The following RIGI variants were observed in gnomAD, a reference collection of about 807,000 sequenced individuals.
The protein encoded by RIGI is antiviral innate immune response receptor RIG-I.
At chr9:32,469,354 T>C in the RIGI span, among the ~76,000 whole-genome samples, 39 of 152,328 alleles carry the variant, frequency 2.6e-4, 1 homozygote, top group Admixed American at 4.6e-4. Context: ...AAATAAGCAT[T>C]TGAACTATGT....
chr9:32,497,708 CT>C, the RIGI span, among the ~76,000 whole-genome samples: 2 of 152,212 alleles, frequency 1.3e-5, no homozygotes, highest in African/African-American at 4.8e-5. Context: ...GATTGCGCCA[CT>C]GCACTCCATC....
At chr9:32,514,231 T>C in the RIGI span, among the ~76,000 whole-genome samples, 5 of 152,184 alleles carry the variant, frequency 3.3e-5, no homozygotes, top group Non-Finnish European at 7.3e-5. Context: ...ACTGGGTATA[T>C]ACCAAACTAT....
the RIGI span, chr9:32,485,203 ACT>A: frequency 6.2e-7 from 1 of 1,606,768 alleles, no homozygotes; most frequent in South Asian, 1.1e-5. Context: ...TCTTTGCCAG[ACT>A]CTCTGTGTCC....
chr9:32,498,453 C>T, the RIGI span: 2 of 429,908 alleles, frequency 4.7e-6, no homozygotes, highest in Non-Finnish European at 9.7e-6. Context: ...GGCTACACTT[C>T]CCAGCCTGTC....
chr9:32,476,844 A>T, the RIGI span: 4 of 724,178 alleles, frequency 5.5e-6, no homozygotes, highest in Non-Finnish European at 4.4e-6. Context: ...CAGGTCTTGA[A>T]CTCTTGGCCC....
At chr9:32,475,034 C>T in the RIGI span, among the ~76,000 whole-genome samples, 1 of 152,192 alleles carries the variant, frequency 6.6e-6, no homozygotes, top group Non-Finnish European at 1.5e-5. Flanking sequence ...TCACCGCAGC[C>T]TTCACCTCCC....
At chr9:32,484,378 C>A in the RIGI span, among the ~76,000 whole-genome samples, 3 of 152,116 alleles carry the variant, frequency 2.0e-5, no homozygotes, top group African/African-American at 4.8e-5. Context: ...AGAGGAGACA[C>A]TCCATGAGGT....
chr9:32,488,928 T>C, the RIGI span: 3 of 1,526,456 alleles, frequency 2.0e-6, no homozygotes, highest in East Asian at 4.6e-5. Flanking sequence ...GTAACTCATA[T>C]ATTAGATATT....
chr9:32,455,562 C>T, the RIGI span: 1 of 152,042 alleles, frequency 6.6e-6, no homozygotes, highest in Non-Finnish European at 1.5e-5. Context: ...CCTCCCTTGA[C>T]ACATGGGGAT....
chr9:32,469,638 G>C, the RIGI span, among the ~76,000 whole-genome samples: 5 of 152,148 alleles, frequency 3.3e-5, no homozygotes, highest in Non-Finnish European at 7.3e-5. Context: ...TGTTAATCGG[G>C]GAAAAGAAAG....
chr9:32,499,479 A>G, the RIGI span, among the ~76,000 whole-genome samples: 1 of 151,890 alleles, frequency 6.6e-6, no homozygotes, highest in Non-Finnish European at 1.5e-5. Context: ...AAATTTGAGA[A>G]GGAGTTTCAC....
the RIGI span, among the ~76,000 whole-genome samples, chr9:32,470,222 T>C: frequency 1.3e-5 from 2 of 152,358 alleles, no homozygotes; most frequent in East Asian, 3.9e-4. Flanking sequence ...ATAAAAGTTC[T>C]GGATGTGAAT....
At chr9:32,492,619 C>A in the RIGI span, 2 of 1,505,272 alleles carry the variant, frequency 1.3e-6, no homozygotes, top group South Asian at 2.3e-5. Context: ...AAATGTCAGT[C>A]ATGTACTATC....
the RIGI span, among the ~76,000 whole-genome samples, chr9:32,479,793 A>G: frequency 6.6e-6 from 1 of 151,154 alleles, no homozygotes; most frequent in African/African-American, 2.4e-5. Flanking sequence ...GCCATGATTG[A>G]GCCACTGCAC....
At chr9:32,513,821 T>C in the RIGI span, among the ~76,000 whole-genome samples, 201 of 152,246 alleles carry the variant, frequency 1.3e-3, no homozygotes, top group Non-Finnish European at 2.6e-3. Flanking sequence ...ATTTTTGCAA[T>C]CTATCCATCT....
chr9:32,486,529 C>T, the RIGI span, among the ~76,000 whole-genome samples: 1 of 150,502 alleles, frequency 6.6e-6, no homozygotes, highest in East Asian at 1.9e-4. Flanking sequence ...CTAATTCTTC[C>T]AGGGAAGTCA....
chr9:32,520,203 G>T, the RIGI span, among the ~76,000 whole-genome samples: 1 of 151,720 alleles, frequency 6.6e-6, no homozygotes, highest in Admixed American at 6.6e-5. Context: ...CATTTTTGAG[G>T]CTCTAGGTCA....
the RIGI span, among the ~76,000 whole-genome samples, chr9:32,518,250 T>TA: frequency 6.6e-6 from 1 of 152,042 alleles, no homozygotes; most frequent in South Asian, 2.1e-4. Flanking sequence ...AAAGAACAAG[T>TA]AGACGAGAGA....
the RIGI span, among the ~76,000 whole-genome samples, chr9:32,504,215 T>C: frequency 3.3e-5 from 5 of 152,118 alleles, no homozygotes; most frequent in Admixed American, 1.3e-4. Flanking sequence ...CAATATCTGA[T>C]TGCAGAGAGG....
Sources: allele counts gnomAD v4.1 joint callset (sites outside exome capture counted in the v4.1 genomes callset), GRCh38; gene constraint gnomAD v4.1.1; transcripts MANE v1.5; gene names NCBI Gene and HGNC (gene_info 2026-07-23, HGNC 2026-07-21).